KDM4A: variants seen among roughly 807,000 people sequenced by gnomAD.
KDM4A encodes the protein lysine demethylase 4A.
KDM4A carries 23 observed loss-of-function variants against 127.1 expected under a neutral mutation model. That is an observed-to-expected ratio of 0.18 (90% CI 0.13 to 0.26). The LOEUF (loss-of-function observed/expected upper bound fraction) is 0.26. KDM4A is among the 10% of genes least tolerant of loss of function. The pLI is 1.00. For missense variants in KDM4A, 890 were observed against 1,329.1 expected (o/e 0.67, Z 5.14); for synonymous variants, 443 against 466.5 (o/e 0.95, Z 0.65).
In KDM4A at chr1:43,691,490, T is replaced by C; in HGVS notation, c.2243-6T>C. 1 of 1,613,196 alleles carries C rather than the reference T, an allele frequency of 6.2e-7. No homozygotes were observed. Among genetic ancestry groups the C allele is most frequent in the Non-Finnish European group, 8.5e-7 (1 of 1,179,300 alleles). On this transcript the variant is annotated splice_region_variant and splice_polypyrimidine_tract_variant and intron_variant, in intron 14 of 21. Coordinates refer to ENST00000372396, the MANE Select transcript of KDM4A (RefSeq NM_014663.3). ...TTTAATTTGCTCATCTTGGTGTCCC[T>C]GTTAGGTTGCTATGGGGTCCCCCCT...
chr1:43,689,775 T>C (rs1468052211), intron 13 of KDM4A, among the ~76,000 whole-genome samples: 1 of 152,240 alleles, frequency 6.6e-6, no homozygotes, highest in African/African-American at 2.4e-5. Context: ...GGTCCTTACC[T>C]GCTGTGGTGG....
At position 43,688,722 on chromosome 1, in the gene KDM4A, C is replaced by T. The variant is rs768250132; in HGVS notation, c.1856-192C>T. Among the ~76,000 whole-genome samples the T allele has an allele frequency of 7.2e-5, 11 of 152,146 alleles. No homozygotes were observed. The highest frequency in any genetic ancestry group is 1.6e-4 in the Non-Finnish European group (11 of 68,032). On this transcript the variant is annotated intron_variant, in intron 12 of 21. Transcript: ENST00000372396. This position sits in a 1 kb window ranked among gnomAD's most constrained non-coding sequence, Gnocchi z 4.4. ...AATGGGGTACTGGCAGGACTCCCTA[C>T]ACATCATCAAGATACTGAAGGAGTC...
intron 19 of KDM4A, among the ~76,000 whole-genome samples, chr1:43,698,539 G>A (rs1013255822): frequency 5.9e-5 from 9 of 152,144 alleles, no homozygotes; most frequent in Admixed American, 5.2e-4. Context: ...CATGGACCCA[G>A]TCCTAGGTCT....
chr1:43,685,853 G>A (rs1395766367), intron 12 of KDM4A, among the ~76,000 whole-genome samples: 1 of 152,134 alleles, frequency 6.6e-6, no homozygotes, highest in African/African-American at 2.4e-5. Flanking sequence ...AGGACCCTGA[G>A]TCAGGTCCTA....
chr1:43,677,299 C>T (rs1660763246), intron 11 of KDM4A, among the ~76,000 whole-genome samples: 1 of 144,580 alleles, frequency 6.9e-6, no homozygotes, highest in African/African-American at 2.6e-5. Context: ...GAGCTGGGAT[C>T]TTGCCATTGC....
intron 9 of KDM4A, among the ~76,000 whole-genome samples, chr1:43,668,641 A>C (rs910500409): frequency 1.3e-5 from 2 of 152,178 alleles, no homozygotes; most frequent in African/African-American, 4.8e-5. Flanking sequence ...ATGTTTTCTC[A>C]TCATATCAGA....
At position 43,691,583 on chromosome 1, in the gene KDM4A, C is replaced by G. The variant is rs1380160991; in HGVS notation, c.2319+11C>G. On this transcript the variant is annotated intron_variant, in intron 15 of 21. Coordinates refer to ENST00000372396, the MANE Select transcript of KDM4A (RefSeq NM_014663.3). ...AATGCCCTAGAGGAGGTGAGTGATC[C>G]CACACTGTTACTGTCTTCACCATGA... 6.2e-7 allele frequency: 1 copy of G among 1,609,532 alleles called. No homozygotes were observed. The highest frequency in any genetic ancestry group is 8.5e-7 in the Non-Finnish European group (1 of 1,176,180).
At chr1:43,686,462 G>A (rs760599755) in intron 12 of KDM4A, among the ~76,000 whole-genome samples, 4 of 151,390 alleles carry the variant, frequency 2.6e-5, no homozygotes, top group Non-Finnish European at 5.9e-5. Context: ...TCAGCCTCCC[G>A]AGTAGCTAGG....
intron 3 of KDM4A, among the ~76,000 whole-genome samples, chr1:43,658,958 GT>G (rs58811976): frequency 2.9e-3 from 427 of 145,624 alleles, no homozygotes; most frequent in Middle Eastern, 0.011. Flanking sequence ...TCTAAAAGAA[GT>G]TTTTTTTTTT....
rs1286059082 is a variant in KDM4A at position 43,693,360 on chromosome 1, T to G, written c.2376-634T>G. On this transcript the variant is annotated intron_variant, in intron 16 of 21. Coordinates refer to ENST00000372396, the MANE Select transcript of KDM4A (RefSeq NM_014663.3). The surrounding 1 kb of genome is among the most constrained non-coding windows in gnomAD (Gnocchi z 4.2). ...TTTTCACGTAGCATGGTTTTAAGAG[T>G]TGTCACCATTTTCGTTCTTCTCCTC... is the stretch of plus-strand genomic sequence containing the variant. Among the ~76,000 whole-genome samples the G allele has an allele frequency of 2.6e-5, 4 of 152,302 alleles. No individual in the cohort carries two copies. The highest frequency in any genetic ancestry group is 5.9e-5 in the Non-Finnish European group (4 of 68,028).
At chr1:43,686,926 G>A (rs1383451712) in intron 12 of KDM4A, among the ~76,000 whole-genome samples, 2 of 152,172 alleles carry the variant, frequency 1.3e-5, no homozygotes, top group Admixed American at 6.5e-5. Context: ...TTAACGTAGT[G>A]AACATTTTCC....
intron 2 of KDM4A, among the ~76,000 whole-genome samples, chr1:43,654,720 TG>T: frequency 7.4e-6 from 1 of 135,398 alleles, no homozygotes; most frequent in East Asian, 2.1e-4. Context: ...TGTGTGTGTG[TG>T]TGTGTGTGTG....
intron 13 of KDM4A, among the ~76,000 whole-genome samples, 167 bp downstream of exon 13, chr1:43,689,262 C>T (rs553837072): frequency 6.6e-6 from 1 of 152,370 alleles, no homozygotes; most frequent in South Asian, 2.1e-4. Context: ...AGGCAGATAA[C>T]CCAGCAACGT....
chr1:43,667,925 A>C lies in KDM4A; in HGVS notation c.1069A>C (p.Ser357Arg), dbSNP rs779216696. ...AGAAGCAGCTGAGTTTCTTAAGGAG[A>C]GTGAACTGCCTCCAAGAGCTGGCAA... ...TPEAAEFLKE[S>R]ELPPRAGNEE... Residue 357 changes from serine (S) to arginine (R), a missense_variant, in exon 9 of 22, where the codon AGT becomes CGT. Coordinates refer to ENST00000372396, the MANE Select transcript of KDM4A (RefSeq NM_014663.3). 3.7e-6 allele frequency: 6 copies of C among 1,614,014 alleles called. No individual in the cohort carries two copies. The highest frequency in any genetic ancestry group is 5.1e-6 in the Non-Finnish European group (6 of 1,180,024).
intron 2 of KDM4A, 141 bp from the exon 3 acceptor site, chr1:43,655,450 G>A (rs1041319260): frequency 1.4e-6 from 1 of 696,520 alleles, no homozygotes; most frequent in African/African-American, 1.8e-5. Context: ...GTGACTTACT[G>A]TGTTTTGGTG....
intron 11 of KDM4A, among the ~76,000 whole-genome samples, chr1:43,672,467 G>A (rs1229824428): frequency 3.3e-5 from 5 of 151,692 alleles, no homozygotes; most frequent in East Asian, 3.9e-4. Flanking sequence ...GATTACAGGC[G>A]TGAGCCACTG....
At chr1:43,682,668 T>C (rs1660884917) in intron 11 of KDM4A, among the ~76,000 whole-genome samples, 1 of 152,212 alleles carries the variant, frequency 6.6e-6, no homozygotes, top group Non-Finnish European at 1.5e-5. Context: ...AAATGTATGT[T>C]TGGAAGAGCA....
intron 3 of KDM4A, among the ~76,000 whole-genome samples, chr1:43,658,582 C>T (rs942489657): frequency 9.5e-5 from 14 of 148,112 alleles, no homozygotes; most frequent in African/African-American, 5.0e-5. Flanking sequence ...AGGCTCACTG[C>T]AATCTCCGCC....
chr1:43,694,227 T>C lies in KDM4A; in HGVS notation c.2484+125T>C. On this transcript the variant is annotated intron_variant, in intron 17 of 21. Coordinates refer to ENST00000372396, the MANE Select transcript of KDM4A (RefSeq NM_014663.3). The surrounding 1 kb of genome is among the most constrained non-coding windows in gnomAD (Gnocchi z 5.2). ...GATTCTCACTCTGTGGTTAGATTCC[T>C]TAGTGGAGGCCAGGTGTGGTGGCTC... 1 of 748,832 alleles carries C rather than the reference T, an allele frequency of 1.3e-6. No individual in the cohort carries two copies. The highest frequency in any genetic ancestry group is 2.2e-6 in the Non-Finnish European group (1 of 451,622). 46.4% of individuals were successfully genotyped at this position (748,832 alleles called of 1,614,324 possible). A position where few individuals can be genotyped will look rare whatever the true frequency, so the allele number is the denominator to read the frequency against.
Sources: allele counts gnomAD v4.1 joint callset (sites outside exome capture counted in the v4.1 genomes callset), GRCh38; gene constraint gnomAD v4.1.1; non-coding constraint Gnocchi (gnomAD v3.1); transcripts MANE v1.5; gene names NCBI Gene and HGNC (gene_info 2026-07-23, HGNC 2026-07-21).